Variants in PRDM16 observed in about 807,000 individuals in gnomAD.
PRDM16 encodes the protein histone-lysine N-methyltransferase PRDM16.
Under a neutral mutation model 110.6 loss-of-function variants are expected in PRDM16, and 23 were observed. The observed-to-expected ratio is 0.21, with a 90% CI of 0.15 to 0.29. The LOEUF (loss-of-function observed/expected upper bound fraction) is 0.29, where lower values mean the gene tolerates loss of function less well. Ranked by LOEUF, PRDM16 falls within the 10% of genes least tolerant of loss-of-function variation. PRDM16 has a pLI of 1.00. For synonymous variants in PRDM16, 799 were observed against 781.8 expected (o/e 1.02, Z -0.37); for missense variants, 1,615 against 1,794.3 (o/e 0.90, Z 1.81).
intron 1 of PRDM16, among the ~76,000 whole-genome samples, chr1:3,136,330 G>C (rs1193767369): frequency 6.6e-6 from 1 of 152,232 alleles, no homozygotes; most frequent in Non-Finnish European, 1.5e-5. Context: ...CAGACCCGCT[G>C]TCCGGGGACC....
chr1:3,327,786 A>G (rs1188048855), intron 3 of PRDM16, among the ~76,000 whole-genome samples: 1 of 152,126 alleles, frequency 6.6e-6, no homozygotes, highest in Non-Finnish European at 1.5e-5. Context: ...CAGTAACCCC[A>G]CATGGGGGTC....
Position 3,193,032 on chromosome 1 carries a change from C to T in PRDM16, c.387+6558C>T, listed in dbSNP as rs372168538. ...AGCGAGTACCCAGCAGTCACAGCGG[C>T]CAGACGGCGAGTACCCAGCAGACAC... On this transcript the variant is annotated intron_variant, in intron 2 of 16. Transcript: ENST00000270722. Among the ~76,000 whole-genome samples, 8 of 151,770 alleles carry T rather than the reference C, an allele frequency of 5.3e-5. No individual in the cohort carries two copies. The East Asian group carries it at 9.7e-4, about 18-fold the overall frequency.
chr1:3,089,063 G>A (rs6676479), intron 1 of PRDM16, among the ~76,000 whole-genome samples: 20,345 of 152,132 alleles, frequency 0.13, 1,365 homozygotes, highest in African/African-American at 0.16. Flanking sequence ...GATTACAGGC[G>A]TGAGCCACCG....
intron 1 of PRDM16, among the ~76,000 whole-genome samples, chr1:3,168,962 C>A (rs967134603): frequency 1.3e-5 from 2 of 152,180 alleles, no homozygotes; most frequent in African/African-American, 4.8e-5. Flanking sequence ...GCCCAGGGTG[C>A]AGGTTCAGGA....
chr1:3,423,627 C>A (rs1638503589), intron 12 of PRDM16, among the ~76,000 whole-genome samples: 1 of 152,170 alleles, frequency 6.6e-6, no homozygotes, highest in South Asian at 2.1e-4. Flanking sequence ...CGGCACCGGT[C>A]GGGGCGGGGT....
At chr1:3,377,597 C>T (rs1643016184) in intron 3 of PRDM16, among the ~76,000 whole-genome samples, 2 of 152,178 alleles carry the variant, frequency 1.3e-5, no homozygotes, top group Non-Finnish European at 2.9e-5. Context: ...GACAGGAGGG[C>T]AGTTTCCTTT....
chr1:3,107,620 C>A (rs908554614), intron 1 of PRDM16, among the ~76,000 whole-genome samples: 2 of 152,230 alleles, frequency 1.3e-5, no homozygotes, highest in East Asian at 3.8e-4. Context: ...TTGTGGTAAA[C>A]CCCGTGAAGG....
Position 3,320,055 on chromosome 1 carries a change from C to T in PRDM16, c.439-65097C>T, listed in dbSNP as rs180976401. Among the ~76,000 whole-genome samples the T allele has an allele frequency of 4.7e-3, 714 of 152,276 alleles. 6 individuals carry two copies. The highest frequency in any genetic ancestry group is 0.016 in the African/African-American group (672 of 41,554). On this transcript the variant is annotated intron_variant, in intron 3 of 16. Coordinates refer to ENST00000270722, the MANE Select transcript of PRDM16 (RefSeq NM_022114.4). ...GCCTGGGCCTGGTGGCCACACCTAC[C>T]AGGTGTGGCCTCTTGAAGAGACTTA... is the stretch of plus-strand genomic sequence containing the variant.
intron 1 of PRDM16, among the ~76,000 whole-genome samples, chr1:3,096,623 G>A (rs894958448): frequency 3.3e-5 from 5 of 152,128 alleles, no homozygotes; most frequent in Admixed American, 6.5e-5. Flanking sequence ...TTGAAAGGTC[G>A]TGAGGGAGGG....
chr1:3,161,312 C>G (rs1202353631), intron 1 of PRDM16, among the ~76,000 whole-genome samples: 1 of 152,172 alleles, frequency 6.6e-6, no homozygotes, highest in Non-Finnish European at 1.5e-5. Flanking sequence ...GAAACTTGGC[C>G]CCAGAGCCGG....
intron 1 of PRDM16, among the ~76,000 whole-genome samples, chr1:3,171,931 C>T (rs1644030166): frequency 1.3e-5 from 2 of 152,138 alleles, no homozygotes; most frequent in African/African-American, 4.8e-5. Flanking sequence ...GGTGCAAGCC[C>T]CCCGGCCTCC....
At chr1:3,362,889 C>T (rs1642742986) in intron 3 of PRDM16, among the ~76,000 whole-genome samples, 1 of 152,222 alleles carries the variant, frequency 6.6e-6, no homozygotes, top group Non-Finnish European at 1.5e-5. Context: ...ACACTCTCAG[C>T]TGGCCCCAGA....
rs1170180576 is a variant in PRDM16 at position 3,129,728 on chromosome 1, G to A, written c.38-56397G>A. Among the ~76,000 whole-genome samples the A allele has an allele frequency of 2.6e-5, 4 of 152,164 alleles. No individual in the cohort carries two copies. The East Asian group carries it at 5.8e-4, about 22-fold the overall frequency. On this transcript the variant is annotated intron_variant, in intron 1 of 16. Coordinates refer to ENST00000270722, the MANE Select transcript of PRDM16 (RefSeq NM_022114.4). ...CTCTAGCACTGCCCAGACCCTGTAC[G>A]GAGCAGAAATCCCTGGAAGAGAAAA...
chr1:3,212,809 C>T (rs1041134800), intron 2 of PRDM16, among the ~76,000 whole-genome samples: 1 of 152,230 alleles, frequency 6.6e-6, no homozygotes, highest in Non-Finnish European at 1.5e-5. Flanking sequence ...CCTGCTCCCT[C>T]CCTGACCCCA....
intron 2 of PRDM16, among the ~76,000 whole-genome samples, chr1:3,237,255 C>A (rs900019886): frequency 6.6e-6 from 1 of 152,068 alleles, no homozygotes; most frequent in Non-Finnish European, 1.5e-5. Flanking sequence ...TCCCCCCAGG[C>A]TTCCCAACCC....
intron 2 of PRDM16, among the ~76,000 whole-genome samples, chr1:3,231,884 G>T (rs1365807036): frequency 6.6e-6 from 1 of 152,240 alleles, no homozygotes; most frequent in East Asian, 1.9e-4. Context: ...GGACCCTGGG[G>T]GGTCCCGGCT....
chr1:3,302,853 C>T (rs1314466330), intron 3 of PRDM16, among the ~76,000 whole-genome samples: 1 of 152,178 alleles, frequency 6.6e-6, no homozygotes, highest in Non-Finnish European at 1.5e-5. Flanking sequence ...TGCCAGACAA[C>T]CCGGGTCCTT....
chr1:3,404,265 C>T (rs753033447), intron 6 of PRDM16, among the ~76,000 whole-genome samples: 1 of 152,232 alleles, frequency 6.6e-6, no homozygotes, highest in African/African-American at 2.4e-5. Context: ...CCCTCCGTGT[C>T]ACCTGGAGAC....
At chr1:3,070,615 C>A (rs1332116236) in intron 1 of PRDM16, among the ~76,000 whole-genome samples, 5 of 151,248 alleles carry the variant, frequency 3.3e-5, no homozygotes, top group African/African-American at 1.2e-4. Flanking sequence ...GTTCCGTCCG[C>A]GCCTCCGGGG....
Sources: allele counts gnomAD v4.1 joint callset (sites outside exome capture counted in the v4.1 genomes callset), GRCh38; gene constraint gnomAD v4.1.1; transcripts MANE v1.5; gene names NCBI Gene and HGNC (gene_info 2026-07-23, HGNC 2026-07-21).